Variants in ATF7IP2 observed in about 807,000 individuals in gnomAD.
The protein encoded by ATF7IP2 is activating transcription factor 7-interacting protein 2.
A neutral mutation model predicts 64.2 loss-of-function variants in ATF7IP2; 42 were observed. The observed-to-expected ratio is 0.65, with a 90% CI of 0.51 to 0.85. ATF7IP2 has a LOEUF of 0.85. Among genes scored for constraint, ATF7IP2 ranks in the 40% least tolerant of loss-of-function variants. The probability of loss-of-function intolerance (pLI) is 0.00; values close to 1 mark genes in which losing one functional copy is unlikely to be tolerated. For missense variants in ATF7IP2, 933 were observed against 784.2 expected (o/e 1.19, Z -2.27); for synonymous variants, 308 against 272.8 (o/e 1.13, Z -1.27).
At chr16:10,418,458 G>T (rs948497402) in intron 2 of ATF7IP2, among the ~76,000 whole-genome samples, 3 of 152,202 alleles carry the variant, frequency 2.0e-5, no homozygotes, top group Admixed American at 6.5e-5. Flanking sequence ...AGAAGCAAAG[G>T]CGGCTTTATC....
chr16:10,392,816 C>A (rs544452122), intron 1 of ATF7IP2, among the ~76,000 whole-genome samples: 3 of 150,128 alleles, frequency 2.0e-5, no homozygotes, highest in Admixed American at 2.0e-4. Flanking sequence ...TAGTGAGACT[C>A]TGTCTTTAAA....
At chr16:10,434,312 G>C (rs1369417926) in intron 6 of ATF7IP2, among the ~76,000 whole-genome samples, 4 of 152,258 alleles carry the variant, frequency 2.6e-5, no homozygotes, top group South Asian at 4.1e-4. Flanking sequence ...ACTGAGGACG[G>C]GTTTTGATGA....
In ATF7IP2 at chr16:10,414,992, TAA is replaced by T. The variant is rs536730555; in HGVS notation, c.-203+383_-203+384del. 2.6e-5 allele frequency among the ~76,000 whole-genome samples: 4 copies of T among 152,244 alleles called. No homozygotes were observed. In the South Asian group the frequency reaches 8.3e-4, roughly 32 times the overall value. ...GAAATTGAAGAGGACACAAAAAAAT[TAA>T]AAGATACTTCATGTTTGTGGATTAG... On this transcript the variant is annotated intron_variant, in intron 2 of 13. Coordinates refer to ENST00000562102, the MANE Select transcript of ATF7IP2 (RefSeq NM_001393719.1).
At chr16:10,412,434 C>T (rs1248295455) in intron 1 of ATF7IP2, among the ~76,000 whole-genome samples, 2 of 152,092 alleles carry the variant, frequency 1.3e-5, no homozygotes, top group African/African-American at 4.8e-5. Context: ...ATTGTTGACC[C>T]AGTGATCATT....
At chr16:10,433,493 ATCTT>A (rs748682973) in intron 5 of ATF7IP2, 28 bp from the exon 6 acceptor site, 11 of 1,590,024 alleles carry the variant, frequency 6.9e-6, no homozygotes, top group Non-Finnish European at 9.4e-6. Context: ...TCTTTAAAAT[ATCTT>A]TCTTTCTAAT....
At chr16:10,400,802 C>T (rs950710543) in intron 1 of ATF7IP2, among the ~76,000 whole-genome samples, 1 of 152,132 alleles carries the variant, frequency 6.6e-6, no homozygotes, top group African/African-American at 2.4e-5. Context: ...ATGCCTCAGC[C>T]TCCTGAGTAG....
At chr16:10,466,806 A>G (rs566286957) in intron 9 of ATF7IP2, among the ~76,000 whole-genome samples, 21 of 152,074 alleles carry the variant, frequency 1.4e-4, no homozygotes, top group Non-Finnish European at 2.4e-4. Flanking sequence ...TTCATAGACT[A>G]TATGCTTTTC....
At chr16:10,434,945 A>G (rs1302949629) in intron 6 of ATF7IP2, among the ~76,000 whole-genome samples, 1 of 152,066 alleles carries the variant, frequency 6.6e-6, no homozygotes, top group Non-Finnish European at 1.5e-5. Flanking sequence ...TTTTGTGTGT[A>G]TTTTTAGTAG....
In ATF7IP2 at chr16:10,474,631, G is replaced by C. The variant is rs529444609; in HGVS notation, c.1549+642G>C. Reference sequence around the variant, plus strand: ...AATACAGTCGTGGGGCTGGGGATCAGTTATAAGGTCTCATTGGAATTTAAT... The same window carrying C: ...AATACAGTCGTGGGGCTGGGGATCACTTATAAGGTCTCATTGGAATTTAAT... On this transcript the variant is annotated intron_variant, in intron 12 of 13. Coordinates refer to ENST00000562102, the MANE Select transcript of ATF7IP2 (RefSeq NM_001393719.1). Among the ~76,000 whole-genome samples, 286 of 152,276 alleles carry C rather than the reference G, an allele frequency of 1.9e-3. 1 individual carries two copies. The highest frequency in any genetic ancestry group is 6.1e-3 in the African/African-American group (252 of 41,560).
chr16:10,470,458 C>G (rs1447776992), intron 9 of ATF7IP2, among the ~76,000 whole-genome samples: 1 of 152,064 alleles, frequency 6.6e-6, no homozygotes, highest in Non-Finnish European at 1.5e-5. Context: ...CTATCAATGC[C>G]TCAGCCGTTT....
chr16:10,467,020 T>C (rs1185265085), intron 9 of ATF7IP2, among the ~76,000 whole-genome samples: 1 of 152,144 alleles, frequency 6.6e-6, no homozygotes, highest in East Asian at 1.9e-4. Flanking sequence ...GTAAGTGATA[T>C]CTTGCCATAA....
chr16:10,472,574 G>C (rs2049839912), intron 10 of ATF7IP2, among the ~76,000 whole-genome samples: 1 of 152,044 alleles, frequency 6.6e-6, no homozygotes, highest in Admixed American at 6.6e-5. Context: ...TGTCTAGTCA[G>C]TCTGGGTGTG....
chr16:10,431,403 T>C lies in ATF7IP2; in HGVS notation c.783T>C (p.Asn261=), dbSNP rs764900969. Residue 261 remains asparagine (N), a synonymous_variant, in exon 5 of 14, where the codon AAT becomes AAC. Coordinates refer to ENST00000562102, the MANE Select transcript of ATF7IP2 (RefSeq NM_001393719.1). ...TDECSRTSIS[N]CESADSTWQS... ...AGTGTAGTAGAACCAGTATTTCAAA[T>C]TGTGAAAGTGCAGACTCAACATGGC... The C allele has an allele frequency of 1.2e-6, 2 of 1,611,966 alleles. No individual in the cohort carries two copies. Among genetic ancestry groups the C allele is most frequent in the African/African-American group, 1.3e-5 (1 of 75,008 alleles).
chr16:10,481,105 C>A, intron 13 of ATF7IP2, 141 bp downstream of exon 13: 1 of 617,644 alleles, frequency 1.6e-6, no homozygotes, highest in Non-Finnish European at 2.9e-6. Context: ...CTTATTTATA[C>A]AATTAAAATT....
chr16:10,453,654 G>C (rs1469407658), intron 8 of ATF7IP2, among the ~76,000 whole-genome samples: 2 of 152,156 alleles, frequency 1.3e-5, no homozygotes, highest in East Asian at 3.8e-4. Flanking sequence ...TTTCAGTCTT[G>C]TTGCCCAGGC....
chr16:10,449,537 G>C (rs1235266391), intron 8 of ATF7IP2: 1 of 151,944 alleles, frequency 6.6e-6, no homozygotes, highest in Non-Finnish European at 1.5e-5. Context: ...GACTTGGGAG[G>C]GTGTATGTGT....
intron 1 of ATF7IP2, among the ~76,000 whole-genome samples, chr16:10,393,477 A>G (rs1307772830): frequency 6.6e-6 from 1 of 152,200 alleles, no homozygotes; most frequent in Non-Finnish European, 1.5e-5. Flanking sequence ...TTTTTAGTTT[A>G]TGATGCTACA....
At chr16:10,476,527 A>G (rs2050015589) in intron 12 of ATF7IP2, among the ~76,000 whole-genome samples, 1 of 152,032 alleles carries the variant, frequency 6.6e-6, no homozygotes, top group African/African-American at 2.4e-5. Flanking sequence ...GTTCTGGGGT[A>G]CATGTGCAGG....
At position 10,473,485 on chromosome 16, in the gene ATF7IP2, GA is replaced by G; in HGVS notation, c.1438del (p.Ile480LeufsTer24). Reference sequence around the variant, plus strand: ...AATGTCTAATTTCTTTCAGATACCAGAAAAATTACATCAGGAAATTCTAGCA... The same window carrying G: ...AATGTCTAATTTCTTTCAGATACCAGAAAATTACATCAGGAAATTCTAGCA... ...TPITSNPTDT[R>X]KITSGNSSNS... On this transcript the variant is annotated frameshift_variant, in exon 11 of 14. Transcript: ENST00000562102. LOFTEE classifies it high-confidence loss of function. 1 of 1,562,302 alleles carries G rather than the reference GA, an allele frequency of 6.4e-7. No homozygotes were observed. The highest frequency in any genetic ancestry group is 8.8e-7 in the Non-Finnish European group (1 of 1,138,506).
Sources: gnomAD v4.1 joint callset for allele counts (sites outside exome capture counted in the v4.1 genomes callset) on GRCh38, gnomAD v4.1.1 for gene constraint, MANE v1.5 for transcripts, NCBI Gene and HGNC (gene_info 2026-07-23, HGNC 2026-07-21) for gene names.